Variants in THADA observed in about 807,000 individuals in gnomAD.
The protein encoded by THADA is tRNA (32-2'-O)-methyltransferase regulator THADA.
In THADA, 213 loss-of-function variants were observed where a neutral mutation model predicts 219.8. The observed-to-expected ratio is 0.97, with a 90% confidence interval of 0.87 to 1.09. The LOEUF is 1.09. Among genes scored for constraint, THADA ranks in the 50% least tolerant of loss-of-function variants. The probability of loss-of-function intolerance (pLI) is 0.00; values close to 1 mark genes in which losing one functional copy is unlikely to be tolerated. For synonymous variants in THADA, 1,018 were observed against 828.9 expected (o/e 1.23, Z -3.92); for missense variants, 2,956 against 2,311.3 (o/e 1.28, Z -5.72).
chr2:43,428,482 G>C (rs1465510353), intron 27 of THADA, among the ~76,000 whole-genome samples: 1 of 152,158 alleles, frequency 6.6e-6, no homozygotes, highest in Non-Finnish European at 1.5e-5. Flanking sequence ...GCGCATGCCT[G>C]TAATTCCAGC....
chr2:43,347,002 G>A (rs182841865), intron 29 of THADA, among the ~76,000 whole-genome samples: 10 of 152,172 alleles, frequency 6.6e-5, no homozygotes, highest in African/African-American at 9.6e-5. Context: ...GTGAGCTATC[G>A]TAGTGCCGAC....
In THADA at chr2:43,591,950, AC is replaced by A; in HGVS notation, c.171+1del. ...CATCCATGAATATCAATTCAGACTT[AC>A]CTGTTTAATATAATGGATTTGTGAC... On this transcript the variant is annotated splice_donor_variant, in intron 3 of 37. Coordinates refer to ENST00000405975, the MANE Select transcript of THADA (RefSeq NM_022065.5). LOFTEE classifies it high-confidence loss of function. The A allele has an allele frequency of 6.6e-7, 1 of 1,515,870 alleles. No homozygotes were observed. The highest frequency in any genetic ancestry group is 1.3e-5 in the South Asian group (1 of 77,112). 93.9% of individuals were successfully genotyped at this position (1,515,870 alleles called of 1,614,324 possible).
intron 29 of THADA, among the ~76,000 whole-genome samples, chr2:43,379,164 CAGTT>C (rs374010800): frequency 1.3e-5 from 2 of 152,244 alleles, no homozygotes; most frequent in African/African-American, 4.8e-5. Flanking sequence ...AAAGCAAACT[CAGTT>C]ACAGTATTCT....
chr2:43,582,117 C>T (rs1372003121), intron 7 of THADA, among the ~76,000 whole-genome samples, 189 bp from the exon 8 acceptor site: 1 of 152,312 alleles, frequency 6.6e-6, no homozygotes, highest in African/African-American at 2.4e-5. Context: ...ACTTTCAACA[C>T]TGTTAACTTA....
At chr2:43,479,627 G>A (rs1437063656) in intron 26 of THADA, among the ~76,000 whole-genome samples, 4 of 149,748 alleles carry the variant, frequency 2.7e-5, no homozygotes, top group Non-Finnish European at 5.9e-5. Flanking sequence ...AAAAAAAAAA[G>A]TTAACTTCTT....
intron 30 of THADA, chr2:43,343,875 A>G: frequency 2.7e-6 from 1 of 373,478 alleles, no homozygotes; most frequent in Non-Finnish European, 5.0e-6. Flanking sequence ...AACAAAAACA[A>G]GCTGATTGGT....
rs751811250 is a variant in THADA at position 43,508,625 on chromosome 2, G to A, written c.3507+23C>T. On this transcript the variant is annotated intron_variant, in intron 23 of 37. Transcript: ENST00000405975. ...ATCAAAAGACAAATATAAACAAACA[G>A]CTAGGGTCCTACAGATAAATACCTG... 5 of 1,608,260 alleles carry A rather than the reference G, an allele frequency of 3.1e-6. No individual in the cohort carries two copies. The South Asian group carries it at 3.3e-5, about 11-fold the overall frequency.
At chr2:43,325,257 A>T (rs1679189144) in intron 30 of THADA, among the ~76,000 whole-genome samples, 1 of 151,386 alleles carries the variant, frequency 6.6e-6, no homozygotes, top group African/African-American at 2.4e-5. Flanking sequence ...GTGATAAATT[A>T]TTCACTTTTC....
intron 28 of THADA, among the ~76,000 whole-genome samples, chr2:43,410,422 G>T (rs896818291): frequency 6.6e-6 from 1 of 152,172 alleles, no homozygotes; most frequent in Admixed American, 6.5e-5. Context: ...AAGTCCAAAA[G>T]GAGACTCGTG....
intron 29 of THADA, among the ~76,000 whole-genome samples, chr2:43,381,001 G>C (rs1671945115): frequency 7.0e-6 from 1 of 142,936 alleles, no homozygotes; most frequent in Non-Finnish European, 1.5e-5. Flanking sequence ...AGGAGGCTAA[G>C]ACAGAAGAAT....
intron 21 of THADA, among the ~76,000 whole-genome samples, chr2:43,528,635 C>T (rs1300433668): frequency 6.6e-6 from 1 of 152,138 alleles, no homozygotes; most frequent in African/African-American, 2.4e-5. Context: ...TCTTTAACTG[C>T]TACACTAGAA....
At chr2:43,327,029 T>C (rs946345878) in intron 30 of THADA, among the ~76,000 whole-genome samples, 4 of 152,118 alleles carry the variant, frequency 2.6e-5, no homozygotes, top group African/African-American at 9.7e-5. Flanking sequence ...GAAAAGGTTA[T>C]GGCTTTGCAG....
At chr2:43,308,134 T>C (rs538412349) in intron 31 of THADA, among the ~76,000 whole-genome samples, 40 of 149,122 alleles carry the variant, frequency 2.7e-4, no homozygotes, top group Non-Finnish European at 4.6e-4. Flanking sequence ...GGGAGGAGGA[T>C]TGCTTAAGCC....
chr2:43,269,257 G>A (rs745905046), intron 36 of THADA, among the ~76,000 whole-genome samples: 1 of 152,198 alleles, frequency 6.6e-6, no homozygotes, highest in South Asian at 2.1e-4. Context: ...GGGGTCAGTC[G>A]CCTTGGCCAG....
chr2:43,362,876 A>C (rs1321990466), intron 29 of THADA, among the ~76,000 whole-genome samples: 1 of 151,120 alleles, frequency 6.6e-6, no homozygotes, highest in Non-Finnish European at 1.5e-5. Context: ...TTCTATTTTA[A>C]ATTTTATGTT....
chr2:43,433,614 A>C (rs1024455384), intron 26 of THADA, among the ~76,000 whole-genome samples: 1 of 152,192 alleles, frequency 6.6e-6, no homozygotes, highest in Non-Finnish European at 1.5e-5. Context: ...CATTCTCCCC[A>C]AATTGATTAT....
At chr2:43,323,201 G>A (rs899019462) in intron 30 of THADA, among the ~76,000 whole-genome samples, 1 of 152,048 alleles carries the variant, frequency 6.6e-6, no homozygotes, top group Non-Finnish European at 1.5e-5. Flanking sequence ...AAGTGCAGTG[G>A]CATGATCATG....
Position 43,248,150 on chromosome 2 carries a change from TATATATATATATATAGAGAG to T in THADA, c.5297-15288_5297-15269del, listed in dbSNP as rs1451869588. On this transcript the variant is annotated intron_variant, in intron 36 of 37. Transcript: ENST00000405975. The stretch of plus-strand genomic sequence containing the variant: ...ACAGAAATATATATATATATATATA[TATATATATATATATAGAGAG>T]AGAGAGAGAGAGAGAGAGAGAGAGA... 1.3e-3 allele frequency among the ~76,000 whole-genome samples: 119 copies of T among 91,768 alleles called. 1 individual carries two copies. The highest frequency in any genetic ancestry group is 4.7e-3 in the African/African-American group (114 of 24,388). The allele number at this position is 91,768 out of a possible 152,430, so 60.2% of individuals were successfully genotyped here.
intron 26 of THADA, among the ~76,000 whole-genome samples, chr2:43,471,833 T>C (rs1296809223): frequency 2.0e-5 from 3 of 152,222 alleles, no homozygotes; most frequent in Admixed American, 2.0e-4. Flanking sequence ...CTGTTGGTTT[T>C]TGTTTTGTTT....
Sources: gnomAD v4.1 joint callset for allele counts (sites outside exome capture counted in the v4.1 genomes callset) on GRCh38, gnomAD v4.1.1 for gene constraint, MANE v1.5 for transcripts, NCBI Gene and HGNC (gene_info 2026-07-23, HGNC 2026-07-21) for gene names.